Variants in DPH6 observed in about 807,000 individuals in gnomAD.
DPH6 encodes the protein diphthine--ammonia ligase.
Under a neutral mutation model 38.2 loss-of-function variants are expected in DPH6, and 33 were observed. The ratio of observed to expected loss-of-function variants is 0.86; its 90% CI spans 0.65 to 1.15. The LOEUF (loss-of-function observed/expected upper bound fraction) is 1.15. Among genes scored for constraint, DPH6 ranks in the 50% most tolerant of loss-of-function variants. DPH6 has a pLI of 0.00. For missense variants in DPH6, 325 were observed against 320.0 expected (o/e 1.02, Z -0.12); for synonymous variants, 108 against 103.0 (o/e 1.05, Z -0.30).
chr15:35,540,996 T>C (rs2055244958), intron 2 of DPH6, among the ~76,000 whole-genome samples: 1 of 152,136 alleles, frequency 6.6e-6, no homozygotes, highest in Non-Finnish European at 1.5e-5. Context: ...CAGGAGATTC[T>C]GCTTCTTCTT....
At chr15:35,507,614 T>C (rs2054711860) in intron 3 of DPH6, among the ~76,000 whole-genome samples, 1 of 152,124 alleles carries the variant, frequency 6.6e-6, no homozygotes, top group Non-Finnish European at 1.5e-5. Flanking sequence ...AATTAAAACA[T>C]TTATCTGTTA....
At chr15:35,467,889 T>C (rs141361792) in intron 3 of DPH6, among the ~76,000 whole-genome samples, 74 of 152,104 alleles carry the variant, frequency 4.9e-4, no homozygotes, top group African/African-American at 1.7e-3. Flanking sequence ...AGTAAAATGT[T>C]GTGCTATGAC....
At chr15:35,397,868 T>TATATATAC (rs752473433) in intron 6 of DPH6, among the ~76,000 whole-genome samples, 307 of 87,282 alleles carry the variant, frequency 3.5e-3, no homozygotes, top group African/African-American at 0.012. Context: ...TTTATATATA[T>TATATATAC]ACACACACAC....
At chr15:35,325,399 A>G (rs2052274177) in intron 3 of DPH6, among the ~76,000 whole-genome samples, 1 of 152,200 alleles carries the variant, frequency 6.6e-6, no homozygotes, top group African/African-American at 2.4e-5. Context: ...GGAACAGATA[A>G]AAGAGTTTGG....
At chr15:35,314,653 G>A (rs570949006) in intron 3 of DPH6, among the ~76,000 whole-genome samples, 12 of 152,184 alleles carry the variant, frequency 7.9e-5, no homozygotes, top group East Asian at 5.8e-4. Flanking sequence ...ACAACTACAC[G>A]AGAAGTTGCC....
chr15:35,186,737 C>T, the DPH6 span, among the ~76,000 whole-genome samples: 13 of 152,110 alleles, frequency 8.5e-5, no homozygotes, highest in Non-Finnish European at 1.8e-4. Context: ...AATCCAAGTT[C>T]AGTATTTTGG....
At chr15:35,456,591 G>A (rs987550606) in intron 3 of DPH6, among the ~76,000 whole-genome samples, 10 of 151,706 alleles carry the variant, frequency 6.6e-5, no homozygotes, top group Non-Finnish European at 1.5e-4. Flanking sequence ...GGGTTCAAGC[G>A]ATTCTTCTGC....
intron 3 of DPH6, among the ~76,000 whole-genome samples, chr15:35,319,475 T>C (rs2052221175): frequency 6.6e-6 from 1 of 152,054 alleles, no homozygotes; most frequent in South Asian, 2.1e-4. Context: ...GCGTGGTGAG[T>C]CATGCCTGTA....
At chr15:35,354,852 C>T (rs1322645213) in intron 3 of DPH6, among the ~76,000 whole-genome samples, 1 of 151,896 alleles carries the variant, frequency 6.6e-6, no homozygotes, top group Non-Finnish European at 1.5e-5. Context: ...TTAACTTTCT[C>T]TCTTGTTGAT....
the DPH6 span, among the ~76,000 whole-genome samples, chr15:35,180,443 A>ACACT: frequency 1.6e-5 from 2 of 125,990 alleles, no homozygotes; most frequent in South Asian, 5.3e-4. Flanking sequence ...ACACACACAC[A>ACACT]CTTGCCCAGT....
intron 3 of DPH6, among the ~76,000 whole-genome samples, chr15:35,482,951 C>G (rs1050929672): frequency 1.3e-5 from 2 of 151,748 alleles, no homozygotes; most frequent in Admixed American, 6.6e-5. Context: ...CTTTTTTACA[C>G]AGGATATAAT....
At chr15:35,208,685 C>T in the DPH6 span, among the ~76,000 whole-genome samples, 316 of 152,314 alleles carry the variant, frequency 2.1e-3, 2 homozygotes, top group Admixed American at 0.011. Flanking sequence ...GCCAGTGCTA[C>T]ATGATTTTAA....
intron 7 of DPH6, among the ~76,000 whole-genome samples, chr15:35,378,313 A>C (rs1243344210): frequency 1.3e-5 from 2 of 152,224 alleles, no homozygotes; most frequent in African/African-American, 2.4e-5. Context: ...CGATCATTAA[A>C]AAGTCAGGAA....
intron 3 of DPH6, among the ~76,000 whole-genome samples, chr15:35,277,982 T>TTGCA (rs2051870525): frequency 6.6e-6 from 1 of 152,124 alleles, no homozygotes. Context: ...TTTGACAAAT[T>TTGCA]TGCATCCTGG....
At chr15:35,380,270 T>A (rs1260640925) in intron 7 of DPH6, among the ~76,000 whole-genome samples, 1 of 152,250 alleles carries the variant, frequency 6.6e-6, no homozygotes, top group African/African-American at 2.4e-5. Flanking sequence ...CCACCTTCCC[T>A]GACATCTTCT....
At chr15:35,475,392 C>A (rs1041523241) in intron 3 of DPH6, among the ~76,000 whole-genome samples, 1 of 151,946 alleles carries the variant, frequency 6.6e-6, no homozygotes, top group Non-Finnish European at 1.5e-5. Flanking sequence ...ACTATCTCTA[C>A]AATCAAAATC....
At chr15:35,488,774 GAGGAA>G (rs1272752496) in intron 3 of DPH6, among the ~76,000 whole-genome samples, 2 of 152,148 alleles carry the variant, frequency 1.3e-5, no homozygotes, top group Admixed American at 6.5e-5. Flanking sequence ...CGAAAATGAT[GAGGAA>G]AGGAAATTAT....
At chr15:35,515,722 G>GGAA (rs1490032066) in intron 3 of DPH6, among the ~76,000 whole-genome samples, 1 of 77,940 alleles carries the variant, frequency 1.3e-5, no homozygotes. Flanking sequence ...CTCCGTCTCA[G>GGAA]AAAAAAAAAA....
intron 3 of DPH6, among the ~76,000 whole-genome samples, chr15:35,307,506 C>A (rs923460752): frequency 6.6e-6 from 1 of 151,896 alleles, no homozygotes; most frequent in African/African-American, 2.4e-5. Context: ...CCTGTTTTTC[C>A]TGAGGAAAAA....
Sources: gnomAD v4.1 joint callset for allele counts (sites outside exome capture counted in the v4.1 genomes callset) on GRCh38, gnomAD v4.1.1 for gene constraint, MANE v1.5 for transcripts, NCBI Gene and HGNC (gene_info 2026-07-23, HGNC 2026-07-21) for gene names.